The following PLXDC2 variants were observed in gnomAD, a reference collection of about 807,000 sequenced individuals.
PLXDC2 encodes the protein plexin domain containing 2.
PLXDC2 carries 40 observed loss-of-function variants against 68.9 expected under a neutral mutation model. The observed-to-expected ratio is 0.58, with a 90% CI of 0.45 to 0.76. PLXDC2 has a LOEUF of 0.76. Ranked by LOEUF, PLXDC2 falls within the 30% of genes least tolerant of loss-of-function variation. The pLI is 0.00. For missense variants in PLXDC2, 644 were observed against 661.9 expected (o/e 0.97, Z 0.30); for synonymous variants, 243 against 234.2 (o/e 1.04, Z -0.34).
intron 4 of PLXDC2, among the ~76,000 whole-genome samples, chr10:20,071,554 A>G (rs936409540): frequency 2.0e-5 from 3 of 152,116 alleles, no homozygotes; most frequent in Non-Finnish European, 4.4e-5. Context: ...CTTGCTTGCC[A>G]CCATGTAAGA....
chr10:20,084,499 G>A (rs774225780), intron 4 of PLXDC2, among the ~76,000 whole-genome samples: 6 of 152,136 alleles, frequency 3.9e-5, no homozygotes, highest in Non-Finnish European at 8.8e-5. Flanking sequence ...TAACAGGGTA[G>A]TGGGATGAGA....
intron 4 of PLXDC2, among the ~76,000 whole-genome samples, chr10:20,081,595 G>C (rs1002514672): frequency 2.0e-5 from 3 of 152,048 alleles, no homozygotes; most frequent in Admixed American, 2.0e-4. Context: ...TAGGAAGCTC[G>C]GAGAAAAACA....
chr10:20,026,437 A>G (rs1015744355), intron 2 of PLXDC2, among the ~76,000 whole-genome samples: 2 of 152,198 alleles, frequency 1.3e-5, no homozygotes, highest in African/African-American at 4.8e-5. Flanking sequence ...TGGTCAATTT[A>G]ATCATGTGAT....
At chr10:19,896,218 C>T (rs1838055833) in intron 1 of PLXDC2, among the ~76,000 whole-genome samples, 1 of 152,212 alleles carries the variant, frequency 6.6e-6, no homozygotes, top group Admixed American at 6.5e-5. Flanking sequence ...CTTGCAAACA[C>T]AGCCTTGGCT....
In PLXDC2 at chr10:19,988,776, C is replaced by CTTTTTTTT. The variant is rs552950916; in HGVS notation, c.113-12969_113-12962dup. Among the ~76,000 whole-genome samples, 6 of 45,492 alleles carry CTTTTTTTT rather than the reference C, an allele frequency of 1.3e-4. 2 individuals carry two copies. The highest frequency in any genetic ancestry group is 2.3e-4 in the Non-Finnish European group (6 of 26,110). 29.8% of individuals were successfully genotyped at this position (45,492 alleles called of 152,430 possible). A position where few individuals can be genotyped will look rare whatever the true frequency, so the allele number is the denominator to read the frequency against. On this transcript the variant is annotated intron_variant, in intron 1 of 13. Transcript: ENST00000377252. ...AGTTAGGGTTAAGTTAATAATGCCA[C>CTTTTTTTT]TTTTTTTTTTTTTTTTTTTTTTTTT...
chr10:19,833,385 G>C (rs1412203198), intron 1 of PLXDC2, among the ~76,000 whole-genome samples: 1 of 152,162 alleles, frequency 6.6e-6, no homozygotes, highest in Non-Finnish European at 1.5e-5. Context: ...GACTTGCATG[G>C]CTGCCTGCTG....
intron 4 of PLXDC2, among the ~76,000 whole-genome samples, chr10:20,083,433 C>G (rs1477996105): frequency 1.3e-5 from 2 of 149,686 alleles, no homozygotes; most frequent in African/African-American, 5.0e-5. Context: ...GCCGAGATCG[C>G]GCCACTGCAC....
At chr10:20,252,228 T>C (rs1372596869) in intron 13 of PLXDC2, among the ~76,000 whole-genome samples, 1 of 152,224 alleles carries the variant, frequency 6.6e-6, no homozygotes, top group East Asian at 1.9e-4. Context: ...GCTGCCTATA[T>C]GGACTTCTGA....
At chr10:20,138,610 A>G (rs1267905501) in intron 4 of PLXDC2, among the ~76,000 whole-genome samples, 1 of 152,202 alleles carries the variant, frequency 6.6e-6, no homozygotes, top group East Asian at 1.9e-4. Context: ...GTGCAAGAAT[A>G]CAACAAAGAA....
At chr10:19,888,638 G>A (rs887726701) in intron 1 of PLXDC2, among the ~76,000 whole-genome samples, 6 of 152,152 alleles carry the variant, frequency 3.9e-5, no homozygotes, top group Non-Finnish European at 7.3e-5. Context: ...AGATGAAACA[G>A]AGACAAGGAC....
chr10:20,035,713 A>T (rs1007293780), intron 2 of PLXDC2, among the ~76,000 whole-genome samples: 6 of 152,110 alleles, frequency 3.9e-5, no homozygotes, highest in African/African-American at 9.7e-5. Flanking sequence ...TAAATAAAAA[A>T]TTTTAAAAAA....
intron 1 of PLXDC2, among the ~76,000 whole-genome samples, chr10:19,825,971 C>G (rs1836561742): frequency 6.6e-6 from 1 of 152,156 alleles, no homozygotes; most frequent in African/African-American, 2.4e-5. Context: ...TTCTCTTCTC[C>G]TTCTCCTTTT....
At chr10:20,254,397 G>A (rs1167007028) in intron 13 of PLXDC2, among the ~76,000 whole-genome samples, 5 of 152,160 alleles carry the variant, frequency 3.3e-5, no homozygotes, top group African/African-American at 4.8e-5. Context: ...TTAGGAAGAC[G>A]CGATCTGTGG....
At chr10:20,054,050 A>T (rs776042692) in intron 3 of PLXDC2, among the ~76,000 whole-genome samples, 2 of 152,116 alleles carry the variant, frequency 1.3e-5, no homozygotes, top group Non-Finnish European at 1.5e-5. Flanking sequence ...GGCTATTGCA[A>T]TGAGGGAAAG....
At chr10:20,078,197 G>A (rs1836483724) in intron 4 of PLXDC2, among the ~76,000 whole-genome samples, 1 of 152,006 alleles carries the variant, frequency 6.6e-6, no homozygotes, top group African/African-American at 2.4e-5. Context: ...GGAAAACACG[G>A]TGAGACTTTA....
In PLXDC2 at chr10:19,940,484, T is replaced by C. The variant is rs7087898; in HGVS notation, c.113-61291T>C. Among the ~76,000 whole-genome samples the C allele has an allele frequency of 3.4e-3, 510 of 152,062 alleles. 2 individuals are homozygous for C. Among genetic ancestry groups the C allele is most frequent in the African/African-American group, 0.011 (453 of 41,514 alleles). ...TTTCCTAAGACAGGTCATTCCTTCA[T>C]TGTATGTTTTACTTGGGTAGGTCTG... On this transcript the variant is annotated intron_variant, in intron 1 of 13. Coordinates refer to ENST00000377252, the MANE Select transcript of PLXDC2 (RefSeq NM_032812.9).
At chr10:20,168,275 A>G (rs1054227349) in intron 7 of PLXDC2, among the ~76,000 whole-genome samples, 2 of 152,190 alleles carry the variant, frequency 1.3e-5, no homozygotes, top group African/African-American at 4.8e-5. Flanking sequence ...CTTTCTTTCT[A>G]TATAAAATGA....
intron 7 of PLXDC2, among the ~76,000 whole-genome samples, chr10:20,175,269 A>C (rs1208661404): frequency 6.6e-6 from 1 of 152,220 alleles, no homozygotes. Context: ...AGGTGCTATT[A>C]TCCCTGTTTT....
chr10:19,860,375 C>G (rs1174692078), intron 1 of PLXDC2, among the ~76,000 whole-genome samples: 1 of 152,188 alleles, frequency 6.6e-6, no homozygotes, highest in Non-Finnish European at 1.5e-5. Flanking sequence ...GAATGCCTGG[C>G]ATAGGGTCCA....
Sources: gnomAD v4.1 joint callset for allele counts (sites outside exome capture counted in the v4.1 genomes callset) on GRCh38, gnomAD v4.1.1 for gene constraint, MANE v1.5 for transcripts, NCBI Gene and HGNC (gene_info 2026-07-23, HGNC 2026-07-21) for gene names.